Variants in CCNB2 observed in about 807,000 individuals in gnomAD.
CCNB2 encodes cyclin B2, also known as G2/mitotic-specific cyclin-B2.
In CCNB2, 39 loss-of-function variants were observed where a neutral mutation model predicts 51.1. The observed-to-expected ratio is 0.76, with a 90% confidence interval of 0.59 to 1.00. The LOEUF (loss-of-function observed/expected upper bound fraction) is 1.00, where lower values mean the gene tolerates loss of function less well. Among genes scored for constraint, CCNB2 ranks in the 50% least tolerant of loss-of-function variants. The pLI is 0.00. For missense variants in CCNB2, 472 were observed against 470.3 expected, an observed-to-expected ratio of 1.00 and a Z score of -0.03; for synonymous variants, 174 against 165.5, an observed-to-expected ratio of 1.05 and a Z score of -0.40.
intron 7 of CCNB2, among the ~76,000 whole-genome samples, chr15:59,122,867 A>G (rs1436326261): frequency 1.3e-5 from 2 of 152,086 alleles, no homozygotes; most frequent in African/African-American, 4.8e-5. Context: ...GATACATCTT[A>G]TTATCAATTG....
At chr15:59,122,667 A>C (rs1352144061) in intron 7 of CCNB2, among the ~76,000 whole-genome samples, 3 of 151,458 alleles carry the variant, frequency 2.0e-5, no homozygotes, top group African/African-American at 7.3e-5. Flanking sequence ...TCCTCAAGTA[A>C]CTGGGACTAT....
At chr15:59,107,516 G>T (rs767663609) in intron 2 of CCNB2, 41 bp from the exon 3 acceptor site, 1 of 1,613,172 alleles carries the variant, frequency 6.2e-7, no homozygotes, top group Non-Finnish European at 8.5e-7. Context: ...GTCCCACAAC[G>T]CTGGCTGTCT....
At chr15:59,118,774 G>C (rs1341445667) in intron 7 of CCNB2, among the ~76,000 whole-genome samples, 1 of 152,230 alleles carries the variant, frequency 6.6e-6, no homozygotes, top group Non-Finnish European at 1.5e-5. Flanking sequence ...CGGCAGCTCT[G>C]CCCACACCTG....
chr15:59,121,915 G>A, intron 7 of CCNB2, among the ~76,000 whole-genome samples: 1 of 106,310 alleles, frequency 9.4e-6, no homozygotes, highest in East Asian at 3.2e-4. Flanking sequence ...CTGGGCGACA[G>A]AATGAGACTC....
chr15:59,117,161 C>T, intron 6 of CCNB2, 67 bp from the exon 7 acceptor site: 1 of 1,527,684 alleles, frequency 6.5e-7, no homozygotes, highest in Non-Finnish European at 9.0e-7. Context: ...CCTAGGCCTT[C>T]ACGCAGAATT....
At chr15:59,118,503 C>G (rs751674683) in intron 7 of CCNB2, among the ~76,000 whole-genome samples, 7 of 152,090 alleles carry the variant, frequency 4.6e-5, no homozygotes, top group Non-Finnish European at 8.8e-5. Flanking sequence ...GCCAACATGG[C>G]AAAACCCCCG....
At chr15:59,118,674 ACT>A (rs1305103591) in intron 7 of CCNB2, among the ~76,000 whole-genome samples, 2 of 152,112 alleles carry the variant, frequency 1.3e-5, no homozygotes, top group African/African-American at 2.4e-5. Flanking sequence ...ACAGGGCGAG[ACT>A]CTGTCTCCAA....
rs189311576 is a variant in CCNB2 at position 59,106,414 on chromosome 15, T to C, written c.25-908T>C. On this transcript the variant is annotated intron_variant, in intron 1 of 8. Transcript: ENST00000288207. ...GGAAGGCTTGAGTTTCCCTGGCCCC[T>C]CTCTCTGCCTGGTAGATCCACTCAA... is the stretch of plus-strand genomic sequence containing the variant. Among the ~76,000 whole-genome samples the C allele has an allele frequency of 6.2e-3, 942 of 152,328 alleles. 4 individuals are homozygous for C. The highest frequency in any genetic ancestry group is 0.011 in the Non-Finnish European group (748 of 68,026).
At chr15:59,122,266 T>TG (rs2079305985) in intron 7 of CCNB2, among the ~76,000 whole-genome samples, 5 of 140,558 alleles carry the variant, frequency 3.6e-5, no homozygotes, top group Non-Finnish European at 7.6e-5. Context: ...TTTTTTTTTT[T>TG]GAGACAGAGT....
chr15:59,105,158 C>T lies in CCNB2; in HGVS notation c.-111C>T, dbSNP rs754652242. On this transcript the variant is annotated 5_prime_UTR_variant, in exon 1 of 9. Coordinates refer to ENST00000288207, the MANE Select transcript of CCNB2 (RefSeq NM_004701.4). ...AGGCTACAGCGTCGAAGATCCCCAG[C>T]GCTGCGGGCTCGGAGAGCAGTCCTA... 5.0e-6 allele frequency: 5 copies of T among 997,660 alleles called. No individual in the cohort carries two copies. Among genetic ancestry groups the T allele is most frequent in the African/African-American group, 3.2e-5 (2 of 62,022 alleles). The allele number at this position is 997,660 out of a possible 1,614,324, so 61.8% of individuals were successfully genotyped here.
chr15:59,114,002 T>A (rs2079268250), intron 3 of CCNB2, among the ~76,000 whole-genome samples: 1 of 152,200 alleles, frequency 6.6e-6, no homozygotes, highest in South Asian at 2.1e-4. Flanking sequence ...GTGCATGGCC[T>A]GATAATTTTA....
At position 59,105,295 on chromosome 15, in the gene CCNB2, G is replaced by C; in HGVS notation, c.24+3G>C. The C allele has an allele frequency of 6.4e-7, 1 of 1,562,078 alleles. No individual in the cohort carries two copies. The highest frequency in any genetic ancestry group is 2.4e-5 in the East Asian group (1 of 42,220). ...TGGCGCTGCTCCGACGCCCGACGGT[G>C]AGTGTGCCCGGGGACCGCTCTCAGA... On this transcript the variant is annotated splice_donor_region_variant and intron_variant, in intron 1 of 8. Transcript: ENST00000288207.
chr15:59,119,192 A>G (rs186594185), intron 7 of CCNB2, among the ~76,000 whole-genome samples: 3 of 152,188 alleles, frequency 2.0e-5, no homozygotes, highest in East Asian at 1.9e-4. Flanking sequence ...GAAATAAACA[A>G]TGTAACTACA....
At chr15:59,116,038 G>A (rs1670173485) in intron 5 of CCNB2, 1 of 151,962 alleles carries the variant, frequency 6.6e-6, no homozygotes, top group African/African-American at 2.4e-5. Flanking sequence ...ATCCGTGGTA[G>A]ATTTTTAATA....
chr15:59,123,614 TAACTA>T lies in CCNB2; in HGVS notation c.1076_1080del (p.Thr359IlefsTer7). On this transcript the variant is annotated frameshift_variant, in exon 8 of 9. Transcript: ENST00000288207. LOFTEE classifies it high-confidence loss of function. ...AATGTGGTGAAAGTAAATGAAAACTTAACTAAATTCATCGTAAGTACTACTGTTTT... is the reference window on the plus strand; with the variant it reads ...AATGTGGTGAAAGTAAATGAAAACTTAATTCATCGTAAGTACTACTGTTTT... 6.2e-7 allele frequency: 1 copy of T among 1,601,276 alleles called. No individual in the cohort carries two copies. The highest frequency in any genetic ancestry group is 8.5e-7 in the Non-Finnish European group (1 of 1,171,386).
intron 7 of CCNB2, among the ~76,000 whole-genome samples, chr15:59,119,475 A>AAAC (rs1453866673): frequency 6.6e-6 from 1 of 150,614 alleles, no homozygotes; most frequent in Non-Finnish European, 1.5e-5. Context: ...AAAAAAAAAA[A>AAAC]AACAAATCTG....
At chr15:59,114,936 G>A in intron 5 of CCNB2, 60 bp downstream of exon 5, 1 of 1,515,008 alleles carries the variant, frequency 6.6e-7, no homozygotes, top group Non-Finnish European at 8.9e-7. Context: ...TTTATGCTTG[G>A]GGGATAGAAA....
intron 6 of CCNB2, 140 bp from the exon 7 acceptor site, chr15:59,117,088 T>C: frequency 9.9e-7 from 1 of 1,007,566 alleles, no homozygotes; most frequent in Admixed American, 2.1e-5. Context: ...GATCTATGTT[T>C]ACAACATAGT....
intron 3 of CCNB2, among the ~76,000 whole-genome samples, chr15:59,109,706 GC>G (rs532590995): frequency 1.4e-3 from 218 of 152,300 alleles, no homozygotes; most frequent in Non-Finnish European, 2.3e-3. Context: ...TCAAACTTTG[GC>G]CGGGTGCAGT....
Sources: allele counts gnomAD v4.1 joint callset (sites outside exome capture counted in the v4.1 genomes callset), GRCh38; gene constraint gnomAD v4.1.1; transcripts MANE v1.5; gene names NCBI Gene and HGNC (gene_info 2026-07-23, HGNC 2026-07-21).